PEX1: variants seen among roughly 807,000 people sequenced by gnomAD.
PEX1 encodes the protein peroxisomal ATPase PEX1.
PEX1 carries 97 observed loss-of-function variants against 152.5 expected under a neutral mutation model. That is an observed-to-expected ratio of 0.64 (90% CI 0.54 to 0.75). The LOEUF is 0.75. PEX1 is among the 30% of genes least tolerant of loss of function. The pLI, the probability that PEX1 is intolerant of heterozygous loss-of-function variation, is 0.00. For missense variants in PEX1, 1,357 were observed against 1,516.3 expected (o/e 0.89, Z 1.74); for synonymous variants, 485 against 531.6 (o/e 0.91, Z 1.21).
chr7:92,517,218 A>G, intron 5 of PEX1, 58 bp downstream of exon 5: 1 of 1,244,476 alleles, frequency 8.0e-7, no homozygotes, highest in Non-Finnish European at 1.2e-6. Context: ...TCTAATTCAT[A>G]ATTTGGGGAT....
chr7:92,514,328 C>A (rs1406860892), intron 5 of PEX1, among the ~76,000 whole-genome samples: 5 of 152,152 alleles, frequency 3.3e-5, no homozygotes, highest in African/African-American at 1.2e-4. Flanking sequence ...CATTCAAATA[C>A]CAACGGTGTG....
Position 92,507,139 on chromosome 7 carries a change from T to C in PEX1, c.1671-13A>G, listed in dbSNP as rs757960956. 32 of 1,611,078 alleles carry C rather than the reference T, an allele frequency of 2.0e-5. No homozygotes were observed. Among genetic ancestry groups the C allele is most frequent in the South Asian group, 4.4e-5 (4 of 90,994 alleles). On this transcript the variant is annotated splice_polypyrimidine_tract_variant and intron_variant, in intron 9 of 23. Transcript: ENST00000248633. Reference sequence around the variant, plus strand: ...GGAATTCACTCCTCTGTAAAAAATATACATAGTTACATGATAAAAGACTGA... The same window carrying C: ...GGAATTCACTCCTCTGTAAAAAATACACATAGTTACATGATAAAAGACTGA...
chr7:92,512,513 AT>A, intron 6 of PEX1, among the ~76,000 whole-genome samples: 1 of 152,068 alleles, frequency 6.6e-6, no homozygotes, highest in East Asian at 1.9e-4. Flanking sequence ...TTTTTTTGAA[AT>A]AGAGTCTCGC....
chr7:92,505,106 A>G (rs1307501897), intron 11 of PEX1, among the ~76,000 whole-genome samples: 1 of 152,292 alleles, frequency 6.6e-6, no homozygotes, highest in East Asian at 1.9e-4. Flanking sequence ...AAAGTATCAA[A>G]TTTTATAAAA....
chr7:92,516,003 AAAGAAAAGAGAAGAG>A (rs140271284), intron 5 of PEX1, among the ~76,000 whole-genome samples: 5 of 115,726 alleles, frequency 4.3e-5, no homozygotes, highest in African/African-American at 1.6e-4. Context: ...CAAAAAAAGA[AAAGAAAAGAGAAGAG>A]AAGAGAAGAG....
intron 15 of PEX1, among the ~76,000 whole-genome samples, chr7:92,500,326 T>G (rs932260071): frequency 6.6e-6 from 1 of 152,222 alleles, no homozygotes; most frequent in Non-Finnish European, 1.5e-5. Context: ...AGAGAACTTT[T>G]TGAACAGGTG....
At chr7:92,506,858 C>A in intron 10 of PEX1, 136 bp downstream of exon 10, 2 of 826,370 alleles carry the variant, frequency 2.4e-6, no homozygotes, top group Non-Finnish European at 4.0e-6. Flanking sequence ...TAAATGAATG[C>A]TTTCCATATG....
At position 92,522,263 on chromosome 7, in the gene PEX1, G is replaced by T. The variant is rs532589095; in HGVS notation, c.130-18C>A. 68 of 1,611,650 alleles carry T rather than the reference G, an allele frequency of 4.2e-5. No homozygotes were observed. The highest frequency in any genetic ancestry group is 2.7e-4 in the Admixed American group (16 of 59,790). On this transcript the variant is annotated intron_variant, in intron 1 of 23. Coordinates refer to ENST00000248633, the MANE Select transcript of PEX1 (RefSeq NM_000466.3). Reference sequence around the variant, plus strand: ...GCTTGATTCTATTCATATAAGAAATGAGAGGAAAAAAGGTTTTCGTATACA... The same window carrying T: ...GCTTGATTCTATTCATATAAGAAATTAGAGGAAAAAAGGTTTTCGTATACA...
intron 8 of PEX1, 45 bp downstream of exon 8, chr7:92,510,899 T>C (rs771573295): frequency 9.8e-7 from 1 of 1,021,442 alleles, no homozygotes; most frequent in African/African-American, 1.6e-5. Flanking sequence ...ATCAATCATA[T>C]GTAACAAATA....
In PEX1 at chr7:92,489,831, C is replaced by A. The variant is rs1791184384; in HGVS notation, c.3519G>T (p.Gln1173His). Residue 1173 changes from glutamine (Q) to histidine (H), a missense_variant, in exon 22 of 24, where the codon CAG becomes CAT. Coordinates refer to ENST00000248633, the MANE Select transcript of PEX1 (RefSeq NM_000466.3). The stretch of plus-strand genomic sequence containing the variant: ...GTGAAGCTGTCCTTAACACTGGAGG[C>A]TGTGAAAACAACTGGTCTTTCCCAG... ...GVPGKDQLFS[Q>H]PPVLRTASQE... 2 of 1,613,994 alleles carry A rather than the reference C, an allele frequency of 1.2e-6. No individual in the cohort carries two copies. Among genetic ancestry groups the A allele is most frequent in the Non-Finnish European group, 1.7e-6 (2 of 1,179,912 alleles).
chr7:92,493,188 A>T, intron 19 of PEX1, 59 bp from the exon 20 acceptor site: 1 of 951,544 alleles, frequency 1.1e-6, no homozygotes. Flanking sequence ...ATTATCTTAA[A>T]TTGTGTATCT....
rs1421454418 is a variant in PEX1, at chr7:92,517,906, T to C, written c.609A>G (p.Gly203=). 1.9e-6 allele frequency: 3 copies of C among 1,569,804 alleles called. No homozygotes were observed. The highest frequency in any genetic ancestry group is 2.6e-6 in the Non-Finnish European group (3 of 1,163,062). ...CTTTCATCATTCCTTTCTGGTCTCT[T>C]CCATAACTATGAAGTTTTTTATATT... is the stretch of plus-strand genomic sequence containing the variant. ...DAEYKKLHSY[G]RDQKGMMKEL... The change falls in exon 5 of 24, where the codon GGA becomes GGG. Residue 203 remains glycine (G), a synonymous_variant. Transcript: ENST00000248633.
intron 7 of PEX1, 80 bp from the exon 8 acceptor site, chr7:92,511,127 A>T: frequency 1.3e-6 from 1 of 782,572 alleles, no homozygotes; most frequent in South Asian, 1.6e-5. Context: ...TGTCAAATTT[A>T]TTTAAGTTAA....
chr7:92,504,127 C>T (rs1354525916), intron 12 of PEX1, among the ~76,000 whole-genome samples: 2 of 152,056 alleles, frequency 1.3e-5, no homozygotes, highest in African/African-American at 4.8e-5. Flanking sequence ...TCCCTGATAA[C>T]TCCTTATCCC....
chr7:92,505,412 CAAA>C (rs11370289), intron 11 of PEX1, among the ~76,000 whole-genome samples: 3 of 133,818 alleles, frequency 2.2e-5, no homozygotes, highest in Non-Finnish European at 3.1e-5. Flanking sequence ...GACTCTGTCT[CAAA>C]AAAAAAAAAA....
chr7:92,503,070 A>G lies in PEX1; in HGVS notation c.2197T>C (p.Cys733Arg). 2 of 1,613,816 alleles carry G rather than the reference A, an allele frequency of 1.2e-6. No individual in the cohort carries two copies. The highest frequency in any genetic ancestry group is 1.7e-6 in the Non-Finnish European group (2 of 1,179,768). The change falls in exon 13 of 24, where the codon TGC becomes CGC. Residue 733 changes from cysteine to arginine, a missense_variant. Coordinates refer to ENST00000248633, the MANE Select transcript of PEX1 (RefSeq NM_000466.3). Reference sequence around the variant, plus strand: ...TTAGGAGGCTGAATGTGTTGGACGCACTGAAATATGTGAACTCCTTGAGCA... The same window carrying G: ...TTAGGAGGCTGAATGTGTTGGACGCGCTGAAATATGTGAACTCCTTGAGCA... ...VSAQGVHIFQ[C>R]VQHIQPPNQE...
Position 92,507,022 on chromosome 7 carries a change from T to C in PEX1, c.1775A>G (p.Asn592Ser). ...QLMSLVAGLR[N>S]GALLLTGGKG... is the part of the protein sequence containing the mutation. Reference sequence around the variant, plus strand: ...TCCTCCTGTGAGTAAAAGAGCTCCATTCCTAAGTCCTGCAACAAGAGACAT... The same window carrying C: ...TCCTCCTGTGAGTAAAAGAGCTCCACTCCTAAGTCCTGCAACAAGAGACAT... Residue 592 changes from asparagine to serine, a missense_variant, in exon 10 of 24, where the codon AAT becomes AGT. Asn to Ser is a conservative substitution (Grantham distance 46, BLOSUM62 1). Coordinates refer to ENST00000248633, the MANE Select transcript of PEX1 (RefSeq NM_000466.3). The C allele has an allele frequency of 3.1e-6, 5 of 1,614,096 alleles. No homozygotes were observed. Among genetic ancestry groups the C allele is most frequent in the Middle Eastern group, 1.6e-4 (1 of 6,062 alleles).
intron 2 of PEX1, among the ~76,000 whole-genome samples, chr7:92,521,189 C>T (rs951037251): frequency 6.6e-6 from 1 of 152,124 alleles, no homozygotes; most frequent in Non-Finnish European, 1.5e-5. Flanking sequence ...TAATCTTGAA[C>T]TCGTGGCCTC....
rs146312634 is a variant in PEX1, at chr7:92,517,581, T to C, written c.934A>G (p.Ile312Val). Residue 312 changes from isoleucine (I) to valine (V), a missense_variant, in exon 5 of 24, where the codon ATT becomes GTT. Physicochemically the swap from Ile to Val is conservative, Grantham distance 29. Transcript: ENST00000248633. ...TCCTGGTCCCATGGAAATACATGAATGGCACAGTGTTTATGAAAAACAGAG... is the reference window on the plus strand; with the variant it reads ...TCCTGGTCCCATGGAAATACATGAACGGCACAGTGTTTATGAAAAACAGAG... ...ATSVFHKHCA[I>V]HVFPWDQEYF... 790 of 1,614,094 alleles carry C rather than the reference T, an allele frequency of 4.9e-4. 3 individuals carry two copies. In the African/African-American group the frequency reaches 9.8e-3, roughly 20 times the overall value.
Sources: allele counts gnomAD v4.1 joint callset (sites outside exome capture counted in the v4.1 genomes callset), GRCh38; gene constraint gnomAD v4.1.1; transcripts MANE v1.5; gene names NCBI Gene and HGNC (gene_info 2026-07-23, HGNC 2026-07-21).